Variants in SMAD2 observed in about 807,000 individuals in gnomAD.
SMAD2 encodes MAD homolog 2.
Under a neutral mutation model 64.4 loss-of-function variants are expected in SMAD2, and 8 were observed. The observed-to-expected ratio is 0.12, with a 90% confidence interval of 0.07 to 0.22. The LOEUF is 0.22. Ranked by LOEUF, SMAD2 falls within the 10% of genes least tolerant of loss-of-function variation. The pLI, the probability that SMAD2 is intolerant of heterozygous loss-of-function variation, is 1.00. For synonymous variants in SMAD2, 203 were observed against 195.8 expected (o/e 1.04, Z -0.31); for missense variants, 289 against 561.2 (o/e 0.51, Z 4.90).
intron 2 of SMAD2, among the ~76,000 whole-genome samples, chr18:47,886,555 A>G (rs892905025): frequency 7.0e-6 from 1 of 143,668 alleles, no homozygotes; most frequent in African/African-American, 2.6e-5. Context: ...CAGAGAAACT[A>G]TATCTATATC....
chr18:47,926,992 T>A (rs914267650), intron 1 of SMAD2, among the ~76,000 whole-genome samples: 1 of 152,190 alleles, frequency 6.6e-6, no homozygotes, highest in Admixed American at 6.5e-5. Context: ...AATATTAGGC[T>A]AGGGCTCTCT....
intron 2 of SMAD2, chr18:47,887,034 A>T (rs2032950798): frequency 1.3e-5 from 2 of 152,338 alleles, no homozygotes; most frequent in Non-Finnish European, 2.9e-5. Context: ...AGCAACCACT[A>T]AATTTGGAAT....
rs1174487067 is a variant in SMAD2, at chr18:47,822,573, T to C, written c.*19254A>G. 1 of 152,270 alleles carries C rather than the reference T, an allele frequency of 6.6e-6. No homozygotes were observed. Among genetic ancestry groups the C allele is most frequent in the Non-Finnish European group, 1.5e-5 (1 of 68,046 alleles). 9.4% of individuals were successfully genotyped at this position (152,270 alleles called of 1,614,324 possible). A position where few individuals can be genotyped will look rare whatever the true frequency, so the allele number is the denominator to read the frequency against. On this transcript the variant is annotated 3_prime_UTR_variant, in exon 11 of 11. Coordinates refer to ENST00000262160, the MANE Select transcript of SMAD2 (RefSeq NM_005901.6). ...TTCCATATTTAAAGAAATTCTCTCA[T>C]GCTATCTATAGTTTACAGCAATTTG...
intron 2 of SMAD2, among the ~76,000 whole-genome samples, chr18:47,892,488 C>T (rs2033244153): frequency 6.6e-6 from 1 of 152,176 alleles, no homozygotes; most frequent in African/African-American, 2.4e-5. Context: ...GCGTGAGCCA[C>T]CATGCCTAGT....
rs80095373 is a variant in SMAD2 at position 47,840,733 on chromosome 18, C to A, written c.*1094G>T. 7.1e-3 allele frequency: 1,636 copies of A among 231,168 alleles called. 29 individuals carry two copies. Among genetic ancestry groups the A allele is most frequent in the African/African-American group, 0.034 (1,526 of 45,308 alleles). The allele number at this position is 231,168 out of a possible 1,614,324, so 14.3% of individuals were successfully genotyped here. A position where few individuals can be genotyped will look rare whatever the true frequency, so the allele number is the denominator to read the frequency against. ...GGTTACTAAACCAAATCAAACTACT[C>A]GAAGAGCAGAAGGTCTGCTGTTGAA... On this transcript the variant is annotated 3_prime_UTR_variant, in exon 11 of 11. Coordinates refer to ENST00000262160, the MANE Select transcript of SMAD2 (RefSeq NM_005901.6).
At chr18:47,921,725 G>A (rs1452381380) in intron 1 of SMAD2, among the ~76,000 whole-genome samples, 2 of 152,056 alleles carry the variant, frequency 1.3e-5, no homozygotes, top group African/African-American at 2.4e-5. Context: ...CCCAACTACT[G>A]AATCTTATCT....
intron 10 of SMAD2, among the ~76,000 whole-genome samples, chr18:47,842,971 A>G (rs1473353404): frequency 6.6e-6 from 1 of 152,224 alleles, no homozygotes; most frequent in African/African-American, 2.4e-5. Context: ...TTCAAATATG[A>G]GAAAAGCCCA....
chr18:47,928,913 T>A (rs1028546299), intron 1 of SMAD2, among the ~76,000 whole-genome samples: 6 of 152,212 alleles, frequency 3.9e-5, no homozygotes, highest in Non-Finnish European at 7.4e-5. Context: ...GTGGGCACAC[T>A]CTTTAGAAAT....
intron 10 of SMAD2, among the ~76,000 whole-genome samples, chr18:47,844,644 T>C (rs1914314261): frequency 6.6e-6 from 1 of 152,316 alleles, no homozygotes; most frequent in Non-Finnish European, 1.5e-5. Flanking sequence ...TAATGTAACC[T>C]TGGGCAAATT....
chr18:47,856,535 C>T (rs546715384), intron 6 of SMAD2, among the ~76,000 whole-genome samples: 42 of 152,278 alleles, frequency 2.8e-4, no homozygotes, highest in African/African-American at 9.9e-4. Context: ...GGGAATCATC[C>T]TGGGTTGCTT....
Position 47,824,961 on chromosome 18 carries a change from T to C in SMAD2, c.*16866A>G, listed in dbSNP as rs904372201. 2.6e-5 allele frequency: 4 copies of C among 152,226 alleles called. No individual in the cohort carries two copies. The East Asian group carries it at 5.8e-4, about 22-fold the overall frequency. The allele number at this position is 152,226 out of a possible 1,614,324, so 9.4% of individuals were successfully genotyped here. ...TGAGTGAAGCTTCAAACATTTTCCA[T>C]TGAATATACACAGACATACAAATAA... On this transcript the variant is annotated 3_prime_UTR_variant, in exon 11 of 11. Coordinates refer to ENST00000262160, the MANE Select transcript of SMAD2 (RefSeq NM_005901.6).
intron 1 of SMAD2, 79 bp from the exon 2 acceptor site, chr18:47,896,888 A>T: frequency 7.7e-7 from 1 of 1,305,728 alleles, no homozygotes; most frequent in African/African-American, 1.5e-5. Context: ...TAGAAAGCAA[A>T]CTGCAAAGCA....
intron 6 of SMAD2, among the ~76,000 whole-genome samples, chr18:47,861,050 CTG>C (rs2031141020): frequency 6.6e-6 from 1 of 151,944 alleles, no homozygotes; most frequent in Non-Finnish European, 1.5e-5. Flanking sequence ...AGCATGAAGA[CTG>C]GGGAAAAAAA....
At chr18:47,920,909 C>T (rs1405011444) in intron 1 of SMAD2, among the ~76,000 whole-genome samples, 1 of 152,228 alleles carries the variant, frequency 6.6e-6, no homozygotes, top group African/African-American at 2.4e-5. Flanking sequence ...AATCCCAAAA[C>T]TTTGAGGGGC....
chr18:47,906,056 A>G (rs886771284), intron 1 of SMAD2, among the ~76,000 whole-genome samples: 9 of 152,042 alleles, frequency 5.9e-5, no homozygotes, highest in African/African-American at 1.9e-4. Context: ...CGGAGGCTGC[A>G]GTGAGCCAAG....
In SMAD2 at chr18:47,850,849, T is replaced by TATATTA. The variant is rs376442711; in HGVS notation, c.784+424_784+425insTAATAT. Among the ~76,000 whole-genome samples the TATATTA allele has an allele frequency of 1.6e-4, 2 of 12,784 alleles. 1 individual carries two copies. Among genetic ancestry groups the TATATTA allele is most frequent in the African/African-American group, 3.2e-4 (2 of 6,330 alleles). 8.4% of individuals were successfully genotyped at this position (12,784 alleles called of 152,430 possible). A position where few individuals can be genotyped will look rare whatever the true frequency, so the allele number is the denominator to read the frequency against. ...TTATATATATTATGTATATTATATA[T>TATATTA]TATATATATTATATATATTATGTAT... On this transcript the variant is annotated intron_variant, in intron 7 of 10. Transcript: ENST00000262160.
At chr18:47,890,599 CACT>C (rs1219854369) in intron 2 of SMAD2, among the ~76,000 whole-genome samples, 10 of 152,116 alleles carry the variant, frequency 6.6e-5, no homozygotes, top group African/African-American at 2.4e-4. Flanking sequence ...ACTCAGATAG[CACT>C]ACTGCCTTTC....
At chr18:47,843,625 A>G (rs1914190104) in intron 10 of SMAD2, among the ~76,000 whole-genome samples, 1 of 152,234 alleles carries the variant, frequency 6.6e-6, no homozygotes, top group Non-Finnish European at 1.5e-5. Flanking sequence ...TACAGACAGT[A>G]AGTTCCTGGT....
chr18:47,899,403 A>C (rs1022893055), intron 1 of SMAD2, among the ~76,000 whole-genome samples: 2 of 152,148 alleles, frequency 1.3e-5, no homozygotes, highest in Non-Finnish European at 1.5e-5. Context: ...TTCAGTGAAA[A>C]AAAAATTCTA....
Sources: gnomAD v4.1 joint callset for allele counts (sites outside exome capture counted in the v4.1 genomes callset) on GRCh38, gnomAD v4.1.1 for gene constraint, MANE v1.5 for transcripts, NCBI Gene and HGNC (gene_info 2026-07-23, HGNC 2026-07-21) for gene names.